FGF7: variants seen among roughly 807,000 people sequenced by gnomAD.
FGF7 encodes FGF-7.
In FGF7, 6 loss-of-function variants were observed where a neutral mutation model predicts 20.5. That is an observed-to-expected ratio of 0.29 (90% CI 0.16 to 0.58). FGF7 has a LOEUF of 0.58. FGF7 is among the 20% of genes least tolerant of loss of function. The probability of loss-of-function intolerance (pLI) is 0.90; values close to 1 mark genes in which losing one functional copy is unlikely to be tolerated. For synonymous variants in FGF7, 64 were observed against 74.7 expected, an observed-to-expected ratio of 0.86 and a Z score of 0.74; for missense variants, 144 against 228.8, an observed-to-expected ratio of 0.63 and a Z score of 2.39.
intron 2 of FGF7, among the ~76,000 whole-genome samples, chr15:49,465,772 T>A (rs926152218): frequency 1.3e-5 from 2 of 152,216 alleles, no homozygotes; most frequent in Non-Finnish European, 2.9e-5. Context: ...TAGCAAATAC[T>A]TTTGTTATTC....
rs180759818 is a variant in FGF7, at chr15:49,483,369, A to T, written c.390+115A>T. The T allele has an allele frequency of 1.6e-3, 942 of 605,604 alleles. 9 individuals are homozygous for T. In the African/African-American group the frequency reaches 0.016, roughly 10 times the overall value. The allele number at this position is 605,604 out of a possible 1,614,324, so 37.5% of individuals were successfully genotyped here. A position where few individuals can be genotyped will look rare whatever the true frequency, so the allele number is the denominator to read the frequency against. On this transcript the variant is annotated intron_variant, in intron 3 of 3. Coordinates refer to ENST00000267843, the MANE Select transcript of FGF7 (RefSeq NM_002009.4). The stretch of plus-strand genomic sequence containing the variant: ...TTATCTCCAACTGTATAATTTAATG[A>T]TTTTATTAAAACACTTTATACTCAA...
chr15:49,436,620 G>A (rs182153254), intron 2 of FGF7, among the ~76,000 whole-genome samples: 104 of 151,572 alleles, frequency 6.9e-4, no homozygotes, highest in African/African-American at 2.3e-3. Flanking sequence ...TCTTCACAGG[G>A]CTCTTATTAG....
chr15:49,429,226 T>C (rs769063909), intron 2 of FGF7, among the ~76,000 whole-genome samples: 5 of 151,980 alleles, frequency 3.3e-5, no homozygotes, highest in African/African-American at 4.8e-5. Context: ...CTAGCAATTA[T>C]AGACAAGGTA....
chr15:49,466,273 T>C (rs1303020948), intron 2 of FGF7, among the ~76,000 whole-genome samples: 1 of 152,190 alleles, frequency 6.6e-6, no homozygotes, highest in Non-Finnish European at 1.5e-5. Flanking sequence ...CATCTTGTGA[T>C]TCCATGCAAT....
At chr15:49,452,881 T>A (rs1269538281) in intron 2 of FGF7, among the ~76,000 whole-genome samples, 2 of 152,204 alleles carry the variant, frequency 1.3e-5, no homozygotes, top group African/African-American at 2.4e-5. Flanking sequence ...AACAAAAAGA[T>A]GATAAAACTA....
intron 2 of FGF7, among the ~76,000 whole-genome samples, chr15:49,444,372 A>C (rs572653684): frequency 3.2e-4 from 48 of 151,902 alleles, no homozygotes; most frequent in African/African-American, 1.1e-3. Flanking sequence ...AGTTGGTTTA[A>C]ACAGTAACAG....
Position 49,476,232 on chromosome 15 carries a change from G to GTTTTTTTTTTTTTTTTTT in FGF7, c.287-6906_287-6905insTTTTTTTTTTTTTTTTTT. On this transcript the variant is annotated intron_variant, in intron 2 of 3. Transcript: ENST00000267843. The stretch of plus-strand genomic sequence containing the variant: ...TTGCTGTTTTGTTTTTTTGTTTTTG[G>GTTTTTTTTTTTTTTTTTT]TTTTTTTTTTTTTGCATTTGGCATA... Among the ~76,000 whole-genome samples the GTTTTTTTTTTTTTTTTTT allele has an allele frequency of 7.3e-4, 42 of 57,450 alleles. 5 individuals are homozygous for GTTTTTTTTTTTTTTTTTT. Among genetic ancestry groups the GTTTTTTTTTTTTTTTTTT allele is most frequent in the Non-Finnish European group, 1.1e-3 (30 of 27,472 alleles). The allele number at this position is 57,450 out of a possible 152,430, so 37.7% of individuals were successfully genotyped here. A position where few individuals can be genotyped will look rare whatever the true frequency, so the allele number is the denominator to read the frequency against.
At position 49,441,981 on chromosome 15, in the gene FGF7, C is replaced by T. The variant is rs1219953253; in HGVS notation, c.286+17398C>T. On this transcript the variant is annotated intron_variant, in intron 2 of 3. Coordinates refer to ENST00000267843, the MANE Select transcript of FGF7 (RefSeq NM_002009.4). ...CTGTCTGGCTAGAGCTCCTTGAGGG[C>T]GGGGAACTTTTCTTTTTCATCTTTT... is the stretch of plus-strand genomic sequence containing the variant. Among the ~76,000 whole-genome samples, 6 of 150,992 alleles carry T rather than the reference C, an allele frequency of 4.0e-5. No homozygotes were observed. In the East Asian group the frequency reaches 5.9e-4, roughly 15 times the overall value.
intron 2 of FGF7, among the ~76,000 whole-genome samples, chr15:49,482,032 T>C: frequency 6.6e-6 from 1 of 152,144 alleles, no homozygotes; most frequent in East Asian, 1.9e-4. Flanking sequence ...CAATTAGTTT[T>C]TTCTTTAAGT....
intron 2 of FGF7, among the ~76,000 whole-genome samples, chr15:49,482,939 T>A (rs544349339): frequency 0.029 from 4,469 of 152,118 alleles, 223 homozygotes; most frequent in African/African-American, 0.1. Flanking sequence ...TTCTACAAAA[T>A]AAAAAACCAT....
At chr15:49,455,327 G>A (rs1334359700) in intron 2 of FGF7, among the ~76,000 whole-genome samples, 1 of 152,198 alleles carries the variant, frequency 6.6e-6, no homozygotes, top group East Asian at 1.9e-4. Flanking sequence ...TGAAAATCAA[G>A]GTCAATCTGT....
chr15:49,467,197 C>T (rs1597383489), intron 2 of FGF7, among the ~76,000 whole-genome samples: 2 of 152,110 alleles, frequency 1.3e-5, no homozygotes, highest in East Asian at 3.8e-4. Context: ...GCTGCTGTCT[C>T]TGAATTAGAT....
Position 49,424,200 on chromosome 15 carries a change from AT to A in FGF7, c.-96del. The A allele has an allele frequency of 9.2e-7, 1 of 1,091,648 alleles. No individual in the cohort carries two copies. Among genetic ancestry groups the A allele is most frequent in the East Asian group, 2.4e-5 (1 of 42,090 alleles). The allele number at this position is 1,091,648 out of a possible 1,614,324, so 67.6% of individuals were successfully genotyped here. ...CTACTCTTTCTTAAATCAATCTACA[AT>A]TCACAGATAGGAAGAGGTCAATGAC... is the stretch of plus-strand genomic sequence containing the variant. On this transcript the variant is annotated 5_prime_UTR_variant, in exon 2 of 4. It introduces an in-frame stop codon into an upstream open reading frame of the 5' UTR. Coordinates refer to ENST00000267843, the MANE Select transcript of FGF7 (RefSeq NM_002009.4).
intron 2 of FGF7, among the ~76,000 whole-genome samples, chr15:49,437,378 T>C (rs2051201480): frequency 6.6e-6 from 1 of 151,532 alleles, no homozygotes; most frequent in South Asian, 2.1e-4. Flanking sequence ...TACTGGCAAA[T>C]AGGTTCTTTC....
chr15:49,455,426 C>G (rs75839276), intron 2 of FGF7, among the ~76,000 whole-genome samples: 3,365 of 152,132 alleles, frequency 0.022, 96 homozygotes, highest in South Asian at 0.079. Context: ...ATTTTTCAAA[C>G]AAATTGTATG....
At chr15:49,452,047 ATT>A (rs1004537305) in intron 2 of FGF7, among the ~76,000 whole-genome samples, 1 of 146,416 alleles carries the variant, frequency 6.8e-6, no homozygotes. Flanking sequence ...TACCAACCAG[ATT>A]TTTTTTTTTT....
At chr15:49,470,250 C>CTGGGAACAT in intron 2 of FGF7, among the ~76,000 whole-genome samples, 1 of 152,100 alleles carries the variant, frequency 6.6e-6, no homozygotes, top group Non-Finnish European at 1.5e-5. Flanking sequence ...TTCTTTAACA[C>CTGGGAACAT]TGGGAACACT....
intron 2 of FGF7, among the ~76,000 whole-genome samples, chr15:49,431,559 G>A (rs189125550): frequency 1.3e-5 from 2 of 151,818 alleles, no homozygotes; most frequent in East Asian, 3.9e-4. Context: ...ATACTGGGGA[G>A]AATTGGCTCT....
chr15:49,465,390 C>A (rs936270278), intron 2 of FGF7, among the ~76,000 whole-genome samples: 1 of 151,802 alleles, frequency 6.6e-6, no homozygotes, highest in African/African-American at 2.4e-5. Context: ...CCCACCTCGG[C>A]CTCCCAAAGT....
Sources: gnomAD v4.1 joint callset for allele counts (sites outside exome capture counted in the v4.1 genomes callset) on GRCh38, gnomAD v4.1.1 for gene constraint, MANE v1.5 for transcripts, NCBI Gene and HGNC (gene_info 2026-07-23, HGNC 2026-07-21) for gene names.